Variants in PHACTR4 observed in about 807,000 individuals in gnomAD.
PHACTR4 encodes the protein phosphatase and actin regulator 4.
A neutral mutation model predicts 72.7 loss-of-function variants in PHACTR4; 51 were observed. That is an observed-to-expected ratio of 0.70 (90% CI 0.56 to 0.89). PHACTR4 has a LOEUF of 0.89. Ranked by LOEUF, PHACTR4 falls within the 40% of genes least tolerant of loss-of-function variation. The pLI is 0.00. For synonymous variants in PHACTR4, 255 were observed against 302.5 expected (o/e 0.84, Z 1.63); for missense variants, 731 against 861.8 (o/e 0.85, Z 1.90).
At chr1:28,464,011 A>C (rs1007850144) in intron 4 of PHACTR4, among the ~76,000 whole-genome samples, 2 of 149,912 alleles carry the variant, frequency 1.3e-5, no homozygotes, top group African/African-American at 4.9e-5. Flanking sequence ...GATTACAGGC[A>C]TGAGCACCAC....
intron 13 of PHACTR4, among the ~76,000 whole-genome samples, chr1:28,495,831 G>T (rs1212138837): frequency 6.6e-6 from 1 of 151,832 alleles, no homozygotes; most frequent in Non-Finnish European, 1.5e-5. Flanking sequence ...TGCCCAGGCT[G>T]CTCTCAAACT....
At chr1:28,398,031 T>C (rs1269736219) in intron 1 of PHACTR4, among the ~76,000 whole-genome samples, 1 of 152,112 alleles carries the variant, frequency 6.6e-6, no homozygotes, top group South Asian at 2.1e-4. Flanking sequence ...GCTTTTAATA[T>C]CAAGTTTCTA....
At chr1:28,473,499 G>A in intron 6 of PHACTR4, 55 bp from the exon 7 acceptor site, 1 of 1,343,256 alleles carries the variant, frequency 7.4e-7, no homozygotes, top group Non-Finnish European at 1.0e-6. Flanking sequence ...CCCTGGGCCG[G>A]CCCTTCAAAG....
At chr1:28,463,769 G>C (rs77252017) in intron 4 of PHACTR4, among the ~76,000 whole-genome samples, 14,477 of 152,186 alleles carry the variant, frequency 0.095, 1,542 homozygotes, top group African/African-American at 0.26. Context: ...ATTTCACTCT[G>C]TCACCCAGGC....
chr1:28,465,888 C>T, intron 5 of PHACTR4, 39 bp downstream of exon 5: 5 of 1,572,232 alleles, frequency 3.2e-6, no homozygotes, highest in Non-Finnish European at 4.3e-6. Flanking sequence ...GAGCCACGGG[C>T]CAGTTATTCT....
rs1661421038 is a variant in PHACTR4, at chr1:28,497,386, C to G, written c.*837C>G. The G allele has an allele frequency of 6.6e-6, 1 of 151,286 alleles. No individual in the cohort carries two copies. Among genetic ancestry groups the G allele is most frequent in the Admixed American group, 6.6e-5 (1 of 15,128 alleles). 9.4% of individuals were successfully genotyped at this position (151,286 alleles called of 1,614,324 possible). A position where few individuals can be genotyped will look rare whatever the true frequency, so the allele number is the denominator to read the frequency against. On this transcript the variant is annotated 3_prime_UTR_variant, in exon 14 of 14. Transcript: ENST00000373839. Reference sequence around the variant, plus strand: ...TGGCCAACATGGTGAAACCCCATCTCTACTAAAAATACAAAAATTAGCCAG... The same window carrying G: ...TGGCCAACATGGTGAAACCCCATCTGTACTAAAAATACAAAAATTAGCCAG...
intron 10 of PHACTR4, among the ~76,000 whole-genome samples, 182 bp from the exon 11 acceptor site, chr1:28,490,769 G>T (rs1368190587): frequency 2.6e-5 from 4 of 151,816 alleles, no homozygotes; most frequent in Non-Finnish European, 4.4e-5. Flanking sequence ...CTTGAACTCG[G>T]GAGGCCGAGG....
chr1:28,429,189 G>A (rs768545329), intron 2 of PHACTR4, among the ~76,000 whole-genome samples: 2 of 152,098 alleles, frequency 1.3e-5, no homozygotes, highest in Non-Finnish European at 2.9e-5. Flanking sequence ...ACCTTCTGTC[G>A]CTTTCAGCCT....
At chr1:28,480,654 G>A (rs961141340) in intron 9 of PHACTR4, 50 bp downstream of exon 9, 3 of 1,603,384 alleles carry the variant, frequency 1.9e-6, no homozygotes, top group Admixed American at 3.4e-5. Context: ...GCCAGTATTT[G>A]TGTTAGATGT....
At position 28,438,428 on chromosome 1, in the gene PHACTR4, T is replaced by C. The variant is rs747652491; in HGVS notation, c.17-20657T>C. On this transcript the variant is annotated intron_variant, in intron 2 of 13. Transcript: ENST00000373839. ...TCCAGACCGGTAAATCCAGATGCAG[T>C]TGGTGAGTAATAGAAGGCAGAGAAA... 1.2e-5 allele frequency: 20 copies of C among 1,612,674 alleles called. No individual in the cohort carries two copies. Among genetic ancestry groups the C allele is most frequent in the East Asian group, 4.5e-5 (2 of 44,796 alleles).
intron 4 of PHACTR4, among the ~76,000 whole-genome samples, chr1:28,465,403 C>T (rs1452331035): frequency 2.6e-5 from 4 of 151,958 alleles, no homozygotes; most frequent in African/African-American, 9.7e-5. Flanking sequence ...GAGGCTGCAG[C>T]GAGCCAAGAT....
intron 2 of PHACTR4, among the ~76,000 whole-genome samples, chr1:28,455,897 A>T (rs1658352807): frequency 6.6e-6 from 1 of 152,206 alleles, no homozygotes; most frequent in Non-Finnish European, 1.5e-5. Context: ...GTAAGAGGAA[A>T]GAAGGACATC....
At chr1:28,472,738 G>A (rs1012830393) in intron 6 of PHACTR4, among the ~76,000 whole-genome samples, 2 of 151,140 alleles carry the variant, frequency 1.3e-5, no homozygotes, top group African/African-American at 4.9e-5. Flanking sequence ...TGAGTAGCTG[G>A]GATTATAGGT....
chr1:28,406,591 A>G (rs191294433), intron 1 of PHACTR4, among the ~76,000 whole-genome samples: 2 of 152,298 alleles, frequency 1.3e-5, no homozygotes, highest in African/African-American at 4.8e-5. Context: ...CCGGCCCTAC[A>G]ACTGCATCTT....
chr1:28,448,686 C>T (rs1467401240), intron 2 of PHACTR4, among the ~76,000 whole-genome samples: 1 of 124,524 alleles, frequency 8.0e-6, no homozygotes, highest in Non-Finnish European at 1.6e-5. Context: ...GGCGTGAACC[C>T]GGGAGGTGGA....
intron 1 of PHACTR4, among the ~76,000 whole-genome samples, chr1:28,388,283 A>G (rs1234677908): frequency 6.6e-6 from 1 of 152,242 alleles, no homozygotes; most frequent in Non-Finnish European, 1.5e-5. Context: ...GAGCTAAAAG[A>G]ATAAAGCCAG....
intron 1 of PHACTR4, among the ~76,000 whole-genome samples, chr1:28,396,436 CG>C (rs745639251): frequency 1.3e-5 from 2 of 151,348 alleles, no homozygotes; most frequent in Non-Finnish European, 2.9e-5. Flanking sequence ...GAGGCTGAGT[CG>C]GAAGAATCAC....
intron 1 of PHACTR4, among the ~76,000 whole-genome samples, chr1:28,400,910 T>C (rs979477919): frequency 6.6e-6 from 1 of 152,096 alleles, no homozygotes; most frequent in Non-Finnish European, 1.5e-5. Context: ...GGCAAAGATA[T>C]GGGAAATATG....
chr1:28,421,138 C>T (rs2124340111), intron 2 of PHACTR4, among the ~76,000 whole-genome samples: 1 of 152,272 alleles, frequency 6.6e-6, no homozygotes, highest in Admixed American at 6.5e-5. Context: ...TTCTGCATGT[C>T]CTATCTTATT....
Sources: allele counts gnomAD v4.1 joint callset (sites outside exome capture counted in the v4.1 genomes callset), GRCh38; gene constraint gnomAD v4.1.1; transcripts MANE v1.5; gene names NCBI Gene and HGNC (gene_info 2026-07-23, HGNC 2026-07-21).